The following ACTR8 variants were observed in gnomAD, a reference collection of about 807,000 sequenced individuals.
ACTR8 encodes actin related protein 8, also known as actin-related protein 8.
Under a neutral mutation model 84.3 loss-of-function variants are expected in ACTR8, and 70 were observed. The observed-to-expected ratio is 0.83, with a 90% CI of 0.68 to 1.01. The LOEUF is 1.01. Ranked by LOEUF, ACTR8 falls within the 50% of genes least tolerant of loss-of-function variation. ACTR8 has a pLI of 0.00. For missense variants in ACTR8, 672 were observed against 775.4 expected (o/e 0.87, Z 1.58); for synonymous variants, 268 against 275.2 (o/e 0.97, Z 0.26).
In ACTR8 at chr3:53,872,283, T is replaced by C. The variant is rs1488680171; in HGVS notation, c.1302+101A>G. On this transcript the variant is annotated intron_variant, in intron 10 of 12. Coordinates refer to ENST00000335754, the MANE Select transcript of ACTR8 (RefSeq NM_022899.5). ...ATTCTAAAAGCTATATCAGTGTTAT[T>C]ATGCTGGAAGATAGAACTGATTACA... is the stretch of plus-strand genomic sequence containing the variant. The C allele has an allele frequency of 1.5e-5, 19 of 1,271,740 alleles. 1 individual carries two copies. The East Asian group carries it at 5.1e-4, about 34-fold the overall frequency. The allele number at this position is 1,271,740 out of a possible 1,614,324, so 78.8% of individuals were successfully genotyped here. A position where few individuals can be genotyped will look rare whatever the true frequency, so the allele number is the denominator to read the frequency against.
In ACTR8 at chr3:53,877,248, T is replaced by G. The variant is rs775888097; in HGVS notation, c.650A>C (p.Gln217Pro). 1.5e-5 allele frequency: 24 copies of G among 1,606,540 alleles called. No homozygotes were observed. The highest frequency in any genetic ancestry group is 2.0e-5 in the Non-Finnish European group (24 of 1,178,010). ...TTTCAGTGGGATTTCCAAGTATTTT[T>G]GTATCGCATGAGACCATATTACTTC... ...DIEVIWSHAI[Q>P]KYLEIPLKDL... The change falls in exon 5 of 13, where the codon CAA becomes CCA. Residue 217 changes from glutamine to proline, a missense_variant. Physicochemically the swap from Gln to Pro is moderately conservative, Grantham distance 76. Transcript: ENST00000335754.
rs1000532778 is a variant in ACTR8 at position 53,878,554 on chromosome 3, G to A, written c.295-87C>T. On this transcript the variant is annotated intron_variant, in intron 2 of 12. Coordinates refer to ENST00000335754, the MANE Select transcript of ACTR8 (RefSeq NM_022899.5). Reference sequence around the variant, plus strand: ...AAACTACTAATTTAATCCAATCTTTGGAAATGCTCCTTCATCAACAAGTAG... The same window carrying A: ...AAACTACTAATTTAATCCAATCTTTAGAAATGCTCCTTCATCAACAAGTAG... 8 of 800,082 alleles carry A rather than the reference G, an allele frequency of 1.0e-5. No individual in the cohort carries two copies. The African/African-American group carries it at 1.0e-4, about 10-fold the overall frequency. The allele number at this position is 800,082 out of a possible 1,614,324, so 49.6% of individuals were successfully genotyped here. A position where few individuals can be genotyped will look rare whatever the true frequency, so the allele number is the denominator to read the frequency against.
rs982666088 is a variant in ACTR8, at chr3:53,867,922, A to G, written c.*797T>C. On this transcript the variant is annotated 3_prime_UTR_variant, in exon 13 of 13. Coordinates refer to ENST00000335754, the MANE Select transcript of ACTR8 (RefSeq NM_022899.5). ...TGATGACTAAGTTGGTAGTATTAAT[A>G]ACTACATCAGTCACCATATCTGTAC... 6.6e-6 allele frequency: 1 copy of G among 152,244 alleles called. No individual in the cohort carries two copies. Among genetic ancestry groups the G allele is most frequent in the Non-Finnish European group, 1.5e-5 (1 of 68,038 alleles). 9.4% of individuals were successfully genotyped at this position (152,244 alleles called of 1,614,324 possible). A position where few individuals can be genotyped will look rare whatever the true frequency, so the allele number is the denominator to read the frequency against.
the ACTR8 span, chr3:53,859,886 G>C: frequency 2.7e-6 from 1 of 376,932 alleles, no homozygotes; most frequent in South Asian, 4.2e-5. Flanking sequence ...GGTGACACAT[G>C]CCTGTAATCC....
the ACTR8 span, among the ~76,000 whole-genome samples, chr3:53,861,844 G>GA: frequency 6.6e-6 from 1 of 152,024 alleles, no homozygotes; most frequent in African/African-American, 2.4e-5. Flanking sequence ...CCTCTTCTGG[G>GA]AAAAAAATGC....
At chr3:53,877,891 G>A (rs948278242) in intron 3 of ACTR8, 140 bp from the exon 4 acceptor site, 32 of 658,200 alleles carry the variant, frequency 4.9e-5, no homozygotes, top group Non-Finnish European at 8.3e-5. Flanking sequence ...TTGACTGGCT[G>A]CAAAAGGATT....
chr3:53,877,005 T>G (rs1164918692), intron 5 of ACTR8, among the ~76,000 whole-genome samples: 1 of 151,414 alleles, frequency 6.6e-6, no homozygotes, highest in Admixed American at 6.6e-5. Context: ...ATTCGAGTAA[T>G]AGAGACACCA....
rs1344512565 is a variant in ACTR8, at chr3:53,874,213, G to C, written c.1063C>G (p.Gln355Glu). The change falls in exon 8 of 13, where the codon CAG becomes GAG. Residue 355 changes from glutamine to glutamate, a missense_variant and splice_region_variant. Coordinates refer to ENST00000335754, the MANE Select transcript of ACTR8 (RefSeq NM_022899.5). ...AGCAATATTGATTCTGCTCCCACCT[G>C]ATCTAAATGACAAAAAGTTTCTTTA... is the stretch of plus-strand genomic sequence containing the variant. ...HLKETFCHLDQDISGLQDHEF... is the reference protein window; with the variant it reads ...HLKETFCHLDEDISGLQDHEF... 1.2e-6 allele frequency: 2 copies of C among 1,612,656 alleles called. No individual in the cohort carries two copies. Among genetic ancestry groups the C allele is most frequent in the Admixed American group, 3.4e-5 (2 of 59,672 alleles).
chr3:53,861,051 T>C, the ACTR8 span: 1 of 152,206 alleles, frequency 6.6e-6, no homozygotes, highest in African/African-American at 2.4e-5. Flanking sequence ...GCTACTGTGG[T>C]GAGCTCAAGG....
At chr3:53,869,270 G>A (rs1160103128) in intron 12 of ACTR8, among the ~76,000 whole-genome samples, 2 of 152,186 alleles carry the variant, frequency 1.3e-5, no homozygotes, top group Non-Finnish European at 2.9e-5. Context: ...GACAGAGTGA[G>A]ACTCCGTCTC....
At position 53,871,461 on chromosome 3, in the gene ACTR8, G is replaced by C. The variant is rs372308696; in HGVS notation, c.1338C>G (p.Ser446=). Reference sequence around the variant, plus strand: ...GATCCCCTTCAAATCCAATAGGTTTGGATGCAGACTTTCGGTCAGCAGTAG... The same window carrying C: ...GATCCCCTTCAAATCCAATAGGTTTCGATGCAGACTTTCGGTCAGCAGTAG... The part of the protein sequence containing the change: ...AKATADRKSA[S]KPIGFEGDLR... Residue 446 remains serine (S), a synonymous_variant, in exon 11 of 13, where the codon TCC becomes TCG. Transcript: ENST00000335754. The C allele has an allele frequency of 6.2e-7, 1 of 1,614,058 alleles. No individual in the cohort carries two copies. Among genetic ancestry groups the C allele is most frequent in the Non-Finnish European group, 8.5e-7 (1 of 1,180,050 alleles).
In ACTR8 at chr3:53,875,999, T is replaced by C; in HGVS notation, c.860A>G (p.Gln287Arg). Residue 287 changes from glutamine to arginine, a missense_variant, in exon 7 of 13, where the codon CAG becomes CGG. Physicochemically the swap from Gln to Arg is conservative, Grantham distance 43. Coordinates refer to ENST00000335754, the MANE Select transcript of ACTR8 (RefSeq NM_022899.5). ...CTCCACACAGCATACACTTGTCTTC[T>C]GGTCCCCAACGTCTACAATACACGT... ...SSTCIVDVGD[Q>R]KTSVCCVEDG... The C allele has an allele frequency of 5.6e-6, 9 of 1,614,208 alleles. No individual in the cohort carries two copies. The highest frequency in any genetic ancestry group is 1.1e-5 in the South Asian group (1 of 91,082).
chr3:53,877,557 A>C (rs1178346049), intron 4 of ACTR8, 90 bp downstream of exon 4: 5 of 1,406,720 alleles, frequency 3.6e-6, no homozygotes, highest in Non-Finnish European at 4.9e-6. Context: ...GAACGCTAGG[A>C]AACAACTAGG....
intron 11 of ACTR8, 109 bp downstream of exon 11, chr3:53,871,123 A>C: frequency 7.0e-7 from 1 of 1,433,148 alleles, no homozygotes; most frequent in Non-Finnish European, 9.4e-7. Flanking sequence ...GCGCTTAATC[A>C]CTTTTCAATG....
At chr3:53,869,784 G>A (rs188767998) in intron 12 of ACTR8, among the ~76,000 whole-genome samples, 198 bp downstream of exon 12, 2 of 152,170 alleles carry the variant, frequency 1.3e-5, no homozygotes, top group African/African-American at 4.8e-5. Context: ...CACGGCAGGG[G>A]AAAGCAGCAG....
At chr3:53,873,527 C>G (rs1008452640) in intron 8 of ACTR8, among the ~76,000 whole-genome samples, 2 of 152,178 alleles carry the variant, frequency 1.3e-5, no homozygotes, top group African/African-American at 4.8e-5. Context: ...AATGATTAAA[C>G]ATTGATTGTT....
chr3:53,881,617 C>T (rs1011465536), intron 1 of ACTR8: 2 of 375,676 alleles, frequency 5.3e-6, no homozygotes, highest in African/African-American at 4.4e-5. Flanking sequence ...TAAACTCTAT[C>T]TGCCACCATT....
In ACTR8 at chr3:53,877,630, G is replaced by C. The variant is rs141064607; in HGVS notation, c.510+17C>G. 6.3e-7 allele frequency: 1 copy of C among 1,597,300 alleles called. No individual in the cohort carries two copies. The highest frequency in any genetic ancestry group is 8.6e-7 in the Non-Finnish European group (1 of 1,165,856). ...CAGCTTCCCCTTCTTTCATTCTATT[G>C]TAAAGAAGTTTCTTACCTCTTCTCC... On this transcript the variant is annotated intron_variant, in intron 4 of 12. Coordinates refer to ENST00000335754, the MANE Select transcript of ACTR8 (RefSeq NM_022899.5).
chr3:53,880,626 A>T (rs1700043445), intron 1 of ACTR8, among the ~76,000 whole-genome samples: 1 of 152,202 alleles, frequency 6.6e-6, no homozygotes, highest in Non-Finnish European at 1.5e-5. Flanking sequence ...TGCCTTCACA[A>T]GAGGTCAGAC....
Sources: allele counts gnomAD v4.1 joint callset (sites outside exome capture counted in the v4.1 genomes callset), GRCh38; gene constraint gnomAD v4.1.1; transcripts MANE v1.5; gene names NCBI Gene and HGNC (gene_info 2026-07-23, HGNC 2026-07-21).